Variants in FHIT observed in about 807,000 individuals in gnomAD.
FHIT encodes the protein fragile histidine triad diadenosine triphosphatase, also known as bis(5'-adenosyl)-triphosphatase.
Under a neutral mutation model 17.9 loss-of-function variants are expected in FHIT, and 19 were observed. The ratio of observed to expected loss-of-function variants is 1.06; its 90% CI spans 0.74 to 1.56. The LOEUF is 1.56. FHIT is among the 40% of genes most tolerant of loss of function. The pLI is 0.00. For synonymous variants in FHIT, 81 were observed against 69.7 expected, an observed-to-expected ratio of 1.16 and a Z score of -0.81; for missense variants, 248 against 189.2, an observed-to-expected ratio of 1.31 and a Z score of -1.82.
intron 5 of FHIT, among the ~76,000 whole-genome samples, chr3:60,428,808 A>C (rs188601012): frequency 1.9e-3 from 284 of 152,278 alleles, no homozygotes; most frequent in Non-Finnish European, 3.5e-3. Flanking sequence ...TAGGACAGTT[A>C]GAATTTTCTT....
intron 4 of FHIT, among the ~76,000 whole-genome samples, chr3:60,710,522 G>A (rs2041497016): frequency 6.6e-6 from 1 of 152,222 alleles, no homozygotes; most frequent in African/African-American, 2.4e-5. Context: ...TCCTGCTCAA[G>A]GAAAGGGGTG....
intron 5 of FHIT, among the ~76,000 whole-genome samples, chr3:60,132,803 T>C (rs1441083042): frequency 6.6e-6 from 1 of 152,182 alleles, no homozygotes; most frequent in Non-Finnish European, 1.5e-5. Context: ...TGCCAGAGAA[T>C]AATCCACCAT....
At chr3:60,792,862 G>A (rs569963247) in intron 4 of FHIT, among the ~76,000 whole-genome samples, 66 of 148,988 alleles carry the variant, frequency 4.4e-4, no homozygotes, top group African/African-American at 1.6e-3. Context: ...GAGAATTGAT[G>A]GTTTGTGTTT....
chr3:59,760,512 C>T (rs1200679845), intron 8 of FHIT, among the ~76,000 whole-genome samples: 5 of 151,030 alleles, frequency 3.3e-5, no homozygotes, highest in South Asian at 2.1e-4. Context: ...TAAACCTCCA[C>T]GAACCAAGGT....
At chr3:60,508,503 A>T (rs2034824368) in intron 5 of FHIT, among the ~76,000 whole-genome samples, 1 of 152,214 alleles carries the variant, frequency 6.6e-6, no homozygotes, top group South Asian at 2.1e-4. Flanking sequence ...CAAACTTGTG[A>T]ATCTTAGGAA....
intron 3 of FHIT, among the ~76,000 whole-genome samples, chr3:60,888,930 T>C (rs1239244276): frequency 2.6e-5 from 4 of 152,220 alleles, no homozygotes; most frequent in African/African-American, 9.6e-5. Flanking sequence ...CCATGTTAGA[T>C]ATAAGTTCTA....
At chr3:60,027,643 A>G (rs1320331565) in intron 5 of FHIT, among the ~76,000 whole-genome samples, 2 of 152,020 alleles carry the variant, frequency 1.3e-5, no homozygotes, top group East Asian at 1.9e-4. Flanking sequence ...TAATGTTTCT[A>G]TAAGGAAAAA....
At chr3:60,169,236 C>A (rs7612775) in intron 5 of FHIT, among the ~76,000 whole-genome samples, 7,707 of 152,198 alleles carry the variant, frequency 0.051, 263 homozygotes, top group Middle Eastern at 0.086. Context: ...TAGAAACACA[C>A]GAAGAGAAAT....
rs1706511279 is a variant in FHIT, at chr3:60,265,254, A to G, written c.104-251102T>C. Among the ~76,000 whole-genome samples, 3 of 97,188 alleles carry G rather than the reference A, an allele frequency of 3.1e-5. No individual in the cohort carries two copies. In the South Asian group the frequency reaches 1.3e-3, roughly 42 times the overall value. The allele number at this position is 97,188 out of a possible 152,430, so 63.8% of individuals were successfully genotyped here. On this transcript the variant is annotated intron_variant, in intron 5 of 9. Transcript: ENST00000492590. Reference sequence around the variant, plus strand: ...CATACATGCTGAAAATGAAAAACATATATAGACATATTTAGCAAGCAGGAA... The same window carrying G: ...CATACATGCTGAAAATGAAAAACATGTATAGACATATTTAGCAAGCAGGAA...
At chr3:60,924,937 T>C (rs1283495692) in intron 3 of FHIT, among the ~76,000 whole-genome samples, 1 of 152,090 alleles carries the variant, frequency 6.6e-6, no homozygotes, top group African/African-American at 2.4e-5. Context: ...GCCGATTCGA[T>C]CAACTGGAAG....
intron 5 of FHIT, among the ~76,000 whole-genome samples, chr3:60,462,957 A>G (rs928305088): frequency 6.6e-6 from 1 of 152,196 alleles, no homozygotes; most frequent in East Asian, 1.9e-4. Context: ...CCTGATGTGC[A>G]CTGACCACCT....
chr3:60,187,844 T>C (rs1702224032), intron 5 of FHIT, among the ~76,000 whole-genome samples: 1 of 152,202 alleles, frequency 6.6e-6, no homozygotes, highest in African/African-American at 2.4e-5. Flanking sequence ...TTACTGATCA[T>C]AGCTGGTAAT....
chr3:60,919,769 C>T (rs1553767881), intron 3 of FHIT, among the ~76,000 whole-genome samples: 1 of 152,188 alleles, frequency 6.6e-6, no homozygotes, highest in Admixed American at 6.5e-5. Context: ...GGCGCAGTGG[C>T]TCATGCTTGT....
chr3:60,270,111 T>C (rs1169253443), intron 5 of FHIT, among the ~76,000 whole-genome samples: 1 of 152,144 alleles, frequency 6.6e-6, no homozygotes, highest in African/African-American at 2.4e-5. Context: ...TGGGATGAGG[T>C]TGTATCTGTT....
chr3:60,381,840 C>T (rs180851113), intron 5 of FHIT, among the ~76,000 whole-genome samples: 2 of 151,892 alleles, frequency 1.3e-5, no homozygotes, highest in Admixed American at 6.6e-5. Flanking sequence ...CTGGGTATGG[C>T]GTGTTCAGAA....
chr3:61,001,448 T>A (rs772038870), intron 3 of FHIT, among the ~76,000 whole-genome samples: 19 of 152,292 alleles, frequency 1.2e-4, no homozygotes, highest in Middle Eastern at 3.4e-3. Context: ...AACTGTGATA[T>A]AACATAACAC....
At chr3:61,204,287 T>C (rs2039133296) in intron 1 of FHIT, among the ~76,000 whole-genome samples, 1 of 152,188 alleles carries the variant, frequency 6.6e-6, no homozygotes, top group African/African-American at 2.4e-5. Context: ...GGGGGGCTTC[T>C]GGAATATGGT....
rs201266301 is a variant in FHIT at position 60,289,106 on chromosome 3, AAACTT to A, written c.103+247749_103+247753del. Among the ~76,000 whole-genome samples the A allele has an allele frequency of 6.8e-3, 1,041 of 152,294 alleles. 15 individuals are homozygous for A. Among genetic ancestry groups the A allele is most frequent in the African/African-American group, 0.023 (951 of 41,576 alleles). ...AATGGGGTTCACCGGACCCTGGACT[AAACTT>A]AATTTACTTTAAAAGAAAGAGGAGG... On this transcript the variant is annotated intron_variant, in intron 5 of 9. Transcript: ENST00000492590.
At chr3:59,992,818 C>T (rs1575837833) in intron 7 of FHIT, among the ~76,000 whole-genome samples, 1 of 152,126 alleles carries the variant, frequency 6.6e-6, no homozygotes, top group South Asian at 2.1e-4. Flanking sequence ...ATCACACCCT[C>T]GCAACAGTGT....
Sources: gnomAD v4.1 joint callset for allele counts (sites outside exome capture counted in the v4.1 genomes callset) on GRCh38, gnomAD v4.1.1 for gene constraint, MANE v1.5 for transcripts, NCBI Gene and HGNC (gene_info 2026-07-23, HGNC 2026-07-21) for gene names.